The following MLN variants were observed in gnomAD, a reference collection of about 807,000 sequenced individuals.
MLN encodes promotilin.
A neutral mutation model predicts 13.3 loss-of-function variants in MLN; 14 were observed. The observed-to-expected ratio is 1.05, with a 90% CI of 0.69 to 1.64. MLN has a LOEUF of 1.64. Ranked by LOEUF, MLN falls within the 40% of genes most tolerant of loss-of-function variation. The pLI is 0.00. For synonymous variants in MLN, 59 were observed against 54.7 expected (o/e 1.08, Z -0.34); for missense variants, 122 against 142.9 (o/e 0.85, Z 0.75).
In MLN at chr6:33,801,058, G is replaced by A; in HGVS notation, c.106C>T (p.Gln36Ter). 1 of 1,613,716 alleles carries A rather than the reference G, an allele frequency of 6.2e-7. No individual in the cohort carries two copies. The highest frequency in any genetic ancestry group is 1.1e-5 in the South Asian group (1 of 91,078). ...CAGGGGGTTCTTACCTGCATCCTCT[G>A]GAGTTCGCCATAGGTGAAGATGGGG... ...FVPIFTYGEL[Q>*]RMQEKERNKG... The change falls in exon 2 of 5, where the codon CAG becomes TAG. Residue 36 changes from glutamine (Q) to a stop codon, truncating the protein, a stop_gained. Transcript: ENST00000430124. LOFTEE classifies it high-confidence loss of function.
chr6:33,800,374 C>T (rs968454231), intron 2 of MLN, among the ~76,000 whole-genome samples: 4 of 152,212 alleles, frequency 2.6e-5, no homozygotes, highest in African/African-American at 9.6e-5. Context: ...CCTTAGGCTC[C>T]ACTGCCTGAG....
rs201473541 is a variant in MLN at position 33,794,815 on chromosome 6, A to G, written c.*10T>C. The G allele has an allele frequency of 1.9e-6, 3 of 1,613,540 alleles. No homozygotes were observed. The highest frequency in any genetic ancestry group is 2.5e-6 in the Non-Finnish European group (3 of 1,179,728). Reference sequence around the variant, plus strand: ...TCCCAAATCTGTCCACCTTCTCCCCAGCGTGGCCATCACTTGGCTGCTGGA... The same window carrying G: ...TCCCAAATCTGTCCACCTTCTCCCCGGCGTGGCCATCACTTGGCTGCTGGA... On this transcript the variant is annotated 3_prime_UTR_variant, in exon 5 of 5. Transcript: ENST00000430124.
intron 3 of MLN, among the ~76,000 whole-genome samples, chr6:33,797,865 G>A (rs991474192): frequency 6.6e-6 from 1 of 152,100 alleles, no homozygotes; most frequent in African/African-American, 2.4e-5. Flanking sequence ...AAACCCCCAA[G>A]GCTCCACTTC....
chr6:33,799,042 G>C lies in MLN; in HGVS notation c.234+63C>G. On this transcript the variant is annotated intron_variant, in intron 3 of 4. Transcript: ENST00000430124. The surrounding 1 kb of genome is among the most constrained non-coding windows in gnomAD (Gnocchi z 4.6). Reference sequence around the variant, plus strand: ...TGTGGCTTGTGGGCTCTGCCTCCAGGCCAGGCAGGGGAATGCATGCCCTGC... The same window carrying C: ...TGTGGCTTGTGGGCTCTGCCTCCAGCCCAGGCAGGGGAATGCATGCCCTGC... 1.7e-6 allele frequency: 2 copies of C among 1,199,190 alleles called. No individual in the cohort carries two copies. Among genetic ancestry groups the C allele is most frequent in the Non-Finnish European group, 2.4e-6 (2 of 820,410 alleles). 74.3% of individuals were successfully genotyped at this position (1,199,190 alleles called of 1,614,324 possible).
At position 33,801,233 on chromosome 6, in the gene MLN, G is replaced by C; in HGVS notation, c.-7-63C>G. ...GGTACAGTGGCAGACTGCTGTGTCC[G>C]AGGCAGGGGCCCTCAGTTCTGGCCC... On this transcript the variant is annotated intron_variant, in intron 1 of 4. Transcript: ENST00000430124. The C allele has an allele frequency of 1.1e-5, 14 of 1,239,960 alleles. No homozygotes were observed. The South Asian group carries it at 1.7e-4, about 15-fold the overall frequency. 76.8% of individuals were successfully genotyped at this position (1,239,960 alleles called of 1,614,324 possible).
chr6:33,801,481 G>A (rs1768045571), intron 1 of MLN, among the ~76,000 whole-genome samples: 1 of 152,154 alleles, frequency 6.6e-6, no homozygotes, highest in African/African-American at 2.4e-5. Flanking sequence ...GGTCTTCTGG[G>A]GTCAGCTGGA....
intron 3 of MLN, among the ~76,000 whole-genome samples, chr6:33,795,959 CT>C (rs5875463): frequency 0.19 from 23,005 of 121,438 alleles, 1,448 homozygotes; most frequent in Admixed American, 0.25. Flanking sequence ...TTATTCTAAG[CT>C]TTTTTTTTTT....
At chr6:33,795,935 G>A (rs1395969315) in intron 3 of MLN, among the ~76,000 whole-genome samples, 1 of 151,210 alleles carries the variant, frequency 6.6e-6, no homozygotes, top group East Asian at 1.9e-4. Flanking sequence ...AGCCAACATT[G>A]TGGAGTCTTA....
At chr6:33,795,325 T>G (rs112076392) in intron 4 of MLN, among the ~76,000 whole-genome samples, 178 bp downstream of exon 4, 2 of 152,200 alleles carry the variant, frequency 1.3e-5, no homozygotes, top group African/African-American at 4.8e-5. Context: ...CCCGCCTCCC[T>G]GGAGAACTGC....
At chr6:33,797,953 C>T (rs1767962212) in intron 3 of MLN, among the ~76,000 whole-genome samples, 2 of 152,204 alleles carry the variant, frequency 1.3e-5, no homozygotes, top group Non-Finnish European at 2.9e-5. Flanking sequence ...CTCTGGCCTC[C>T]TCACTCTTCC....
chr6:33,796,116 C>T (rs897381197), intron 3 of MLN, among the ~76,000 whole-genome samples: 2 of 152,190 alleles, frequency 1.3e-5, no homozygotes, highest in South Asian at 2.1e-4. Context: ...CCCGCTACCA[C>T]GCCCGGCTAA....
intron 1 of MLN, among the ~76,000 whole-genome samples, chr6:33,802,435 C>T (rs1463785504): frequency 2.0e-5 from 3 of 152,156 alleles, no homozygotes; most frequent in African/African-American, 4.8e-5. Context: ...GGAAAGGCCT[C>T]GGGGCTTCTC....
chr6:33,800,875 C>A (rs1048756115), intron 2 of MLN, among the ~76,000 whole-genome samples, 172 bp downstream of exon 2: 1 of 152,172 alleles, frequency 6.6e-6, no homozygotes, highest in Admixed American at 6.5e-5. Flanking sequence ...GTTGCTCATA[C>A]GAGCCACTGA....
Position 33,795,364 on chromosome 6 carries a change from G to T in MLN, c.337+139C>A. ...AGCCACCAGCAGGTATCACAGCATAGCCCAGGGAGAAGACGGCTCCACATT... is the reference window on the plus strand; with the variant it reads ...AGCCACCAGCAGGTATCACAGCATATCCCAGGGAGAAGACGGCTCCACATT... On this transcript the variant is annotated intron_variant, in intron 4 of 4. Coordinates refer to ENST00000430124, the MANE Select transcript of MLN (RefSeq NM_002418.3). 11 of 702,976 alleles carry T rather than the reference G, an allele frequency of 1.6e-5. No homozygotes were observed. In the South Asian group the frequency reaches 1.7e-4, roughly 11 times the overall value. 43.5% of individuals were successfully genotyped at this position (702,976 alleles called of 1,614,324 possible). A position where few individuals can be genotyped will look rare whatever the true frequency, so the allele number is the denominator to read the frequency against.
chr6:33,795,409 A>G (rs1277060190), intron 4 of MLN, 94 bp downstream of exon 4: 4 of 1,026,134 alleles, frequency 3.9e-6, no homozygotes, highest in African/African-American at 3.2e-5. Flanking sequence ...AAAGCAGCCA[A>G]ACAAATTGCC....
chr6:33,800,633 C>T (rs1768020615), intron 2 of MLN, among the ~76,000 whole-genome samples: 1 of 152,242 alleles, frequency 6.6e-6, no homozygotes, highest in African/African-American at 2.4e-5. Context: ...GGCAATTCAT[C>T]ATGTCCTGCC....
At position 33,803,338 on chromosome 6, in the gene MLN, C is replaced by T. The variant is rs544575598; in HGVS notation, c.-8+615G>A. On this transcript the variant is annotated intron_variant, in intron 1 of 4. Coordinates refer to ENST00000430124, the MANE Select transcript of MLN (RefSeq NM_002418.3). This position sits in a 1 kb window ranked among gnomAD's most constrained non-coding sequence, Gnocchi z 4.5. ...TTTTTTTTTTTCTGAGATGGAGTCT[C>T]GCTCTGTCTCCCAGGCTAGAGTGCA... Among the ~76,000 whole-genome samples the T allele has an allele frequency of 9.5e-5, 14 of 146,816 alleles. No homozygotes were observed. In the South Asian group the frequency reaches 2.6e-3, roughly 27 times the overall value.
At chr6:33,797,708 T>C (rs1231881508) in intron 3 of MLN, among the ~76,000 whole-genome samples, 1 of 152,166 alleles carries the variant, frequency 6.6e-6, no homozygotes, top group Non-Finnish European at 1.5e-5. Flanking sequence ...GAACTCTCTC[T>C]CTCTCTTTTT....
At chr6:33,796,932 C>G (rs150303236) in intron 3 of MLN, among the ~76,000 whole-genome samples, 312 of 152,326 alleles carry the variant, frequency 2.0e-3, no homozygotes, top group South Asian at 3.7e-3. Context: ...AACTCCGACT[C>G]AGCTGCATTT....
Sources: allele counts gnomAD v4.1 joint callset (sites outside exome capture counted in the v4.1 genomes callset), GRCh38; gene constraint gnomAD v4.1.1; non-coding constraint Gnocchi (gnomAD v3.1); transcripts MANE v1.5; gene names NCBI Gene and HGNC (gene_info 2026-07-23, HGNC 2026-07-21).